Variants in AIG1 observed in about 807,000 individuals in gnomAD.
AIG1 encodes androgen induced 1, also known as androgen-induced gene 1 protein.
Under a neutral mutation model 31.4 loss-of-function variants are expected in AIG1, and 23 were observed. The observed-to-expected ratio is 0.73, with a 90% CI of 0.53 to 1.04. The LOEUF is 1.04. Among genes scored for constraint, AIG1 ranks in the 50% least tolerant of loss-of-function variants. The probability of loss-of-function intolerance (pLI) is 0.00; values close to 1 mark genes in which losing one functional copy is unlikely to be tolerated. For synonymous variants in AIG1, 100 were observed against 110.5 expected (o/e 0.90, Z 0.60); for missense variants, 274 against 295.0 (o/e 0.93, Z 0.52).
At chr6:143,092,301 T>G (rs943519169) in intron 1 of AIG1, among the ~76,000 whole-genome samples, 3 of 142,326 alleles carry the variant, frequency 2.1e-5, no homozygotes, top group Non-Finnish European at 3.0e-5. Context: ...TTTTTTTTTG[T>G]AGAGACAGGG....
chr6:143,102,683 G>A lies in AIG1; in HGVS notation c.142-34152G>A, dbSNP rs533961814. 2.0e-5 allele frequency among the ~76,000 whole-genome samples: 3 copies of A among 151,430 alleles called. No individual in the cohort carries two copies. In the South Asian group the frequency reaches 6.2e-4, roughly 31 times the overall value. On this transcript the variant is annotated intron_variant, in intron 1 of 5. Transcript: ENST00000357847. Reference sequence around the variant, plus strand: ...TATTCTAGATAAAATAATAGTGGTTGATATTGTTTTTTCATCCCCTCTCTA... The same window carrying A: ...TATTCTAGATAAAATAATAGTGGTTAATATTGTTTTTTCATCCCCTCTCTA...
chr6:143,144,397 G>T (rs1784545107), intron 2 of AIG1, among the ~76,000 whole-genome samples: 1 of 152,132 alleles, frequency 6.6e-6, no homozygotes, highest in South Asian at 2.1e-4. Flanking sequence ...GGCTTTATAA[G>T]CTATATCAAT....
intron 4 of AIG1, among the ~76,000 whole-genome samples, chr6:143,287,923 A>G (rs1335737386): frequency 6.6e-6 from 1 of 152,132 alleles, no homozygotes; most frequent in African/African-American, 2.4e-5. Flanking sequence ...AAACAATTTT[A>G]ATAGTCATAA....
chr6:143,257,166 T>A (rs993753385), intron 3 of AIG1, among the ~76,000 whole-genome samples: 4 of 152,238 alleles, frequency 2.6e-5, no homozygotes, highest in Admixed American at 2.0e-4. Flanking sequence ...GCGCTCCCAC[T>A]GCCTCCGTCC....
intron 1 of AIG1, among the ~76,000 whole-genome samples, chr6:143,110,123 A>G (rs879044026): frequency 7.2e-5 from 11 of 152,154 alleles, no homozygotes; most frequent in Non-Finnish European, 1.5e-4. Flanking sequence ...GCTTTGCCCT[A>G]TAGCAGTTGA....
chr6:143,205,126 G>A (rs549678204), intron 3 of AIG1, among the ~76,000 whole-genome samples: 1 of 152,286 alleles, frequency 6.6e-6, no homozygotes, highest in Non-Finnish European at 1.5e-5. Flanking sequence ...GTAGTCCAGG[G>A]CAGTGGGGCA....
chr6:143,320,851 C>T (rs940066644), intron 4 of AIG1, among the ~76,000 whole-genome samples: 8 of 136,900 alleles, frequency 5.8e-5, no homozygotes, highest in East Asian at 2.2e-4. Context: ...GAAGGAGTTT[C>T]GCTCTTGTTG....
chr6:143,301,026 T>G (rs1171260014), intron 4 of AIG1, among the ~76,000 whole-genome samples: 1 of 152,252 alleles, frequency 6.6e-6, no homozygotes, highest in African/African-American at 2.4e-5. Flanking sequence ...TGGCACAATC[T>G]CAGCTCACTG....
chr6:143,138,839 G>A (rs915767065), intron 2 of AIG1, among the ~76,000 whole-genome samples: 9 of 149,968 alleles, frequency 6.0e-5, no homozygotes, highest in Non-Finnish European at 1.2e-4. Context: ...GTTGCAGTGA[G>A]CTGAGATCTC....
intron 3 of AIG1, among the ~76,000 whole-genome samples, chr6:143,245,926 T>C (rs1308597214): frequency 6.6e-6 from 1 of 152,158 alleles, no homozygotes; most frequent in East Asian, 1.9e-4. Context: ...GGTTGTCCCA[T>C]CTTTTGGCTT....
chr6:143,126,484 G>T, intron 1 of AIG1, among the ~76,000 whole-genome samples: 1 of 152,146 alleles, frequency 6.6e-6, no homozygotes, highest in East Asian at 1.9e-4. Flanking sequence ...TTGATAACAG[G>T]GAGAAAGAAT....
chr6:143,149,557 A>AAG (rs1785015537), intron 2 of AIG1, among the ~76,000 whole-genome samples: 19 of 146,854 alleles, frequency 1.3e-4, no homozygotes, highest in Non-Finnish European at 2.3e-4. Flanking sequence ...AAAAAAAAAA[A>AAG]GAAAGAAAAT....
At chr6:143,187,550 A>G (rs1789378335) in intron 3 of AIG1, 1 of 1,536,010 alleles carries the variant, frequency 6.5e-7, no homozygotes. Context: ...GGCCTGTAAT[A>G]TTTGCATAAA....
In AIG1 at chr6:143,297,073, GT is replaced by G. The variant is rs1282411019; in HGVS notation, c.515+12850del. ...GGAACTAAAAAGCAATAGTCATCCA[GT>G]TGATAACTGCTATTTGCAAGAGGAA... On this transcript the variant is annotated intron_variant, in intron 4 of 5. Coordinates refer to ENST00000357847, the MANE Select transcript of AIG1 (RefSeq NM_016108.4). The surrounding 1 kb of genome is among the most constrained non-coding windows in gnomAD (Gnocchi z 5.1). 6.6e-6 allele frequency among the ~76,000 whole-genome samples: 1 copy of G among 150,606 alleles called. No individual in the cohort carries two copies. Among genetic ancestry groups the G allele is most frequent in the Non-Finnish European group, 1.5e-5 (1 of 67,834 alleles).
chr6:143,171,921 C>T (rs927702161), intron 3 of AIG1, among the ~76,000 whole-genome samples: 4 of 152,036 alleles, frequency 2.6e-5, no homozygotes, highest in African/African-American at 4.8e-5. Flanking sequence ...TTGCATTTCC[C>T]GGATTATTAG....
At position 143,333,205 on chromosome 6, in the gene AIG1, A is replaced by G; in HGVS notation, c.516-77A>G. 3 of 1,402,206 alleles carry G rather than the reference A, an allele frequency of 2.1e-6. No individual in the cohort carries two copies. Among genetic ancestry groups the G allele is most frequent in the Middle Eastern group, 2.6e-4 (1 of 3,904 alleles). 86.9% of individuals were successfully genotyped at this position (1,402,206 alleles called of 1,614,324 possible). ...AAGCATGGGGAGAGTGAGGGAGTGT[A>G]TATTTGCATCATAGCAGCTTTGATG... is the stretch of plus-strand genomic sequence containing the variant. On this transcript the variant is annotated intron_variant, in intron 4 of 5. Coordinates refer to ENST00000357847, the MANE Select transcript of AIG1 (RefSeq NM_016108.4). This position sits in a 1 kb window ranked among gnomAD's most constrained non-coding sequence, Gnocchi z 4.6.
chr6:143,262,895 T>C (rs1269593567), intron 3 of AIG1, among the ~76,000 whole-genome samples: 1 of 152,186 alleles, frequency 6.6e-6, no homozygotes, highest in Non-Finnish European at 1.5e-5. Flanking sequence ...ATTGCAATGC[T>C]TTCTAATTTT....
At chr6:143,184,527 A>G (rs113136586) in intron 3 of AIG1, among the ~76,000 whole-genome samples, 1,572 of 152,302 alleles carry the variant, frequency 0.01, 16 homozygotes, top group African/African-American at 0.036. Flanking sequence ...GGCAAGATGC[A>G]TCTCAAAGCT....
chr6:143,133,985 T>C (rs1783500115), intron 1 of AIG1, among the ~76,000 whole-genome samples: 1 of 152,056 alleles, frequency 6.6e-6, no homozygotes, highest in African/African-American at 2.4e-5. Flanking sequence ...TTTTTGAGCT[T>C]ACCAAACCCT....
Sources: gnomAD v4.1 joint callset for allele counts (sites outside exome capture counted in the v4.1 genomes callset) on GRCh38, gnomAD v4.1.1 for gene constraint, Gnocchi (gnomAD v3.1) non-coding constraint, MANE v1.5 for transcripts, NCBI Gene and HGNC (gene_info 2026-07-23, HGNC 2026-07-21) for gene names.